Variants in GRIN2B observed in about 807,000 individuals in gnomAD.
The protein encoded by GRIN2B is glutamate receptor ionotropic, NMDA 2B.
A neutral mutation model predicts 114.5 loss-of-function variants in GRIN2B; 5 were observed. The observed-to-expected ratio is 0.04, with a 90% confidence interval of 0.02 to 0.09. The LOEUF (loss-of-function observed/expected upper bound fraction) is 0.09. GRIN2B is among the 10% of genes least tolerant of loss of function. GRIN2B has a pLI of 1.00. For synonymous variants in GRIN2B, 787 were observed against 745.1 expected (o/e 1.06, Z -0.92); for missense variants, 1,108 against 1,943.5 (o/e 0.57, Z 8.08).
In GRIN2B at chr12:13,571,837, C is replaced by A. The variant is rs1454642871; in HGVS notation, c.2138G>T (p.Gly713Val). ...HAYMGKFNQRGVDDALLSLKT... is the reference protein window; with the variant it reads ...HAYMGKFNQRVVDDALLSLKT... ...CAGGGAGAGCAATGCATCATCTACACCCCTCTGGTTGAACTTTCCCATGTA... is the reference window on the plus strand; with the variant it reads ...CAGGGAGAGCAATGCATCATCTACAACCCTCTGGTTGAACTTTCCCATGTA... The change falls in exon 11 of 14, where the codon GGT becomes GTT. Residue 713 changes from glycine (G) to valine (V), a missense_variant. Physicochemically the swap from Gly to Val is moderately radical, Grantham distance 109. Coordinates refer to ENST00000609686, the MANE Select transcript of GRIN2B (RefSeq NM_000834.5). 1 of 1,614,074 alleles carries A rather than the reference C, an allele frequency of 6.2e-7. No individual in the cohort carries two copies. The highest frequency in any genetic ancestry group is 8.5e-7 in the Non-Finnish European group (1 of 1,179,906).
chr12:13,876,648 A>C (rs1468373671), intron 2 of GRIN2B, among the ~76,000 whole-genome samples: 1 of 152,228 alleles, frequency 6.6e-6, no homozygotes, highest in Non-Finnish European at 1.5e-5. Context: ...CTATCATATT[A>C]CTGACATCAG....
chr12:13,657,017 G>A (rs751412923), intron 5 of GRIN2B, among the ~76,000 whole-genome samples: 11 of 152,218 alleles, frequency 7.2e-5, no homozygotes, highest in Non-Finnish European at 8.8e-5. Flanking sequence ...CGGATCAATC[G>A]CACCAAGTCA....
At chr12:13,565,265 CT>C (rs1948623454) in intron 13 of GRIN2B, among the ~76,000 whole-genome samples, 1 of 152,152 alleles carries the variant, frequency 6.6e-6, no homozygotes, top group Non-Finnish European at 1.5e-5. Context: ...TTAGCAAGCC[CT>C]GGGGTCAAAG....
At chr12:13,707,154 C>T (rs1950367329) in intron 4 of GRIN2B, among the ~76,000 whole-genome samples, 1 of 152,030 alleles carries the variant, frequency 6.6e-6, no homozygotes, top group African/African-American at 2.4e-5. Flanking sequence ...CAAGAGCCTA[C>T]CAAATGTCAA....
intron 4 of GRIN2B, among the ~76,000 whole-genome samples, chr12:13,691,017 A>G (rs972879757): frequency 6.6e-6 from 1 of 152,186 alleles, no homozygotes; most frequent in African/African-American, 2.4e-5. Context: ...ATTTTTTTCT[A>G]GTACTTTTCA....
At chr12:13,642,437 C>G (rs183789794) in intron 5 of GRIN2B, among the ~76,000 whole-genome samples, 1 of 152,184 alleles carries the variant, frequency 6.6e-6, no homozygotes, top group African/African-American at 2.4e-5. Flanking sequence ...GTCACCAAAC[C>G]TTTCTCAGCC....
Position 13,613,866 on chromosome 12 carries a change from C to T in GRIN2B, c.1654+1248G>A, listed in dbSNP as rs147410004. Among the ~76,000 whole-genome samples, 58 of 152,008 alleles carry T rather than the reference C, an allele frequency of 3.8e-4. No homozygotes were observed. In the East Asian group the frequency reaches 9.5e-3, roughly 25 times the overall value. On this transcript the variant is annotated intron_variant, in intron 8 of 13. Coordinates refer to ENST00000609686, the MANE Select transcript of GRIN2B (RefSeq NM_000834.5). The stretch of plus-strand genomic sequence containing the variant: ...CCTCTGAATACAGACGTAAACACAC[C>T]CTGCCTGACATTTCTATGCTATTCC...
chr12:13,674,823 T>C (rs1345089796), intron 5 of GRIN2B, among the ~76,000 whole-genome samples: 4 of 152,118 alleles, frequency 2.6e-5, no homozygotes, highest in African/African-American at 9.7e-5. Context: ...AGTAAAGATG[T>C]TTCTTTGCTA....
chr12:13,684,254 G>T (rs1243384266), intron 4 of GRIN2B, among the ~76,000 whole-genome samples: 1 of 152,090 alleles, frequency 6.6e-6, no homozygotes, highest in East Asian at 1.9e-4. Flanking sequence ...TCCTCAAAAT[G>T]ATCCCCCTTC....
At chr12:13,795,699 T>C (rs903359752) in intron 3 of GRIN2B, among the ~76,000 whole-genome samples, 5 of 152,176 alleles carry the variant, frequency 3.3e-5, no homozygotes, top group African/African-American at 1.2e-4. Context: ...CCGTCAATGA[T>C]AGCCTGGATT....
chr12:13,730,750 T>C (rs2300260), intron 4 of GRIN2B, among the ~76,000 whole-genome samples: 12,311 of 152,200 alleles, frequency 0.081, 648 homozygotes, highest in East Asian at 0.2. Context: ...TGATCAAACA[T>C]TAGGCAACTG....
rs539304998 is a variant in GRIN2B, at chr12:13,697,219, G to A, written c.1011-21360C>T. Among the ~76,000 whole-genome samples the A allele has an allele frequency of 2.0e-5, 3 of 152,168 alleles. No individual in the cohort carries two copies. In the South Asian group the frequency reaches 6.2e-4, roughly 32 times the overall value. ...ACAACTCAGGAGAGAGGCAAAGAAT[G>A]GGAAAAGCCTCAATTTTCACTTTTT... On this transcript the variant is annotated intron_variant, in intron 4 of 13. Transcript: ENST00000609686.
chr12:13,653,039 T>A (rs1458579410), intron 5 of GRIN2B, among the ~76,000 whole-genome samples: 3 of 152,060 alleles, frequency 2.0e-5, no homozygotes, highest in Non-Finnish European at 4.4e-5. Context: ...GAAGGATAGA[T>A]TAGAAAAGGG....
intron 2 of GRIN2B, among the ~76,000 whole-genome samples, chr12:13,920,527 G>A (rs560465419): frequency 6.6e-6 from 1 of 152,282 alleles, no homozygotes; most frequent in South Asian, 2.1e-4. Flanking sequence ...GCTCTCTTTT[G>A]CATTCCAGGT....
At chr12:13,821,637 A>G (rs961273535) in intron 3 of GRIN2B, among the ~76,000 whole-genome samples, 1 of 152,220 alleles carries the variant, frequency 6.6e-6, no homozygotes, top group East Asian at 1.9e-4. Flanking sequence ...TCTGGGATCA[A>G]TCCTGGCTCT....
intron 8 of GRIN2B, among the ~76,000 whole-genome samples, chr12:13,613,542 T>C (rs573749117): frequency 1.4e-4 from 21 of 152,128 alleles, no homozygotes; most frequent in Non-Finnish European, 2.1e-4. Flanking sequence ...TTGCTCTTTG[T>C]CCCCCCATGC....
chr12:13,952,651 T>G (rs1867509282), intron 2 of GRIN2B, among the ~76,000 whole-genome samples: 1 of 151,972 alleles, frequency 6.6e-6, no homozygotes, highest in South Asian at 2.1e-4. Flanking sequence ...AATATCAAAG[T>G]CTGTCTTCTT....
chr12:13,609,537 GC>G (rs1461481518), intron 9 of GRIN2B, among the ~76,000 whole-genome samples: 1 of 152,128 alleles, frequency 6.6e-6, no homozygotes, highest in Non-Finnish European at 1.5e-5. Context: ...ACTTTGGGAG[GC>G]CGAGGTGGGC....
intron 5 of GRIN2B, among the ~76,000 whole-genome samples, chr12:13,663,011 TA>T (rs1400521752): frequency 6.6e-6 from 1 of 152,104 alleles, no homozygotes; most frequent in African/African-American, 2.4e-5. Flanking sequence ...AAACTCAGAT[TA>T]CTGGGCCTCA....
Sources: gnomAD v4.1 joint callset for allele counts (sites outside exome capture counted in the v4.1 genomes callset) on GRCh38, gnomAD v4.1.1 for gene constraint, MANE v1.5 for transcripts, NCBI Gene and HGNC (gene_info 2026-07-23, HGNC 2026-07-21) for gene names.